MTHFD1: variants seen among roughly 807,000 people sequenced by gnomAD.
MTHFD1 encodes C-1-tetrahydrofolate synthase, cytoplasmic.
MTHFD1 carries 44 observed loss-of-function variants against 110.3 expected under a neutral mutation model. That is an observed-to-expected ratio of 0.40 (90% confidence interval 0.31 to 0.51). The LOEUF (loss-of-function observed/expected upper bound fraction) is 0.51, where lower values mean the gene tolerates loss of function less well. MTHFD1 is among the 20% of genes least tolerant of loss of function. The pLI is 0.60. For synonymous variants in MTHFD1, 402 were observed against 428.8 expected (o/e 0.94, Z 0.77); for missense variants, 909 against 1,173.1 (o/e 0.77, Z 3.29).
chr14:64,450,164 G>A (rs2140983261), intron 24 of MTHFD1, among the ~76,000 whole-genome samples: 1 of 152,320 alleles, frequency 6.6e-6, no homozygotes, highest in African/African-American at 2.4e-5. Flanking sequence ...CAGGGTGGAG[G>A]GGGAACCGTT....
At chr14:64,449,933 C>T (rs1184308460) in intron 24 of MTHFD1, among the ~76,000 whole-genome samples, 3 of 152,200 alleles carry the variant, frequency 2.0e-5, no homozygotes, top group Non-Finnish European at 4.4e-5. Flanking sequence ...GGATTACAGG[C>T]GTCTGCCACC....
intron 5 of MTHFD1, 43 bp from the exon 6 acceptor site, chr14:64,415,596 C>G (rs1185196714): frequency 1.9e-6 from 3 of 1,611,164 alleles, no homozygotes; most frequent in East Asian, 4.5e-5. Context: ...GTAAAGACAT[C>G]TAATTGCCTT....
chr14:64,415,750 C>G lies in MTHFD1; in HGVS notation c.478+11C>G. On this transcript the variant is annotated intron_variant, in intron 6 of 27. Coordinates refer to ENST00000652337, the MANE Select transcript of MTHFD1 (RefSeq NM_005956.4). ...TCATCAAAGAGACAGGTAAAAACAA[C>G]AAACCAAACAACAAGAAAGCACCAT... The G allele has an allele frequency of 6.2e-7, 1 of 1,612,824 alleles. No homozygotes were observed. The highest frequency in any genetic ancestry group is 1.1e-5 in the South Asian group (1 of 90,964).
At chr14:64,443,026 A>C (rs1469278793) in intron 21 of MTHFD1, among the ~76,000 whole-genome samples, 1 of 152,202 alleles carries the variant, frequency 6.6e-6, no homozygotes, top group Non-Finnish European at 1.5e-5. Flanking sequence ...TAGGGCCTAC[A>C]TGAAAAGACA....
At chr14:64,408,130 A>G (rs978886535) in intron 2 of MTHFD1, among the ~76,000 whole-genome samples, 2 of 152,250 alleles carry the variant, frequency 1.3e-5, no homozygotes, top group African/African-American at 4.8e-5. Context: ...GTGACACGGT[A>G]TGTGTCCCAC....
At chr14:64,422,026 G>A (rs1347317739) in intron 8 of MTHFD1, among the ~76,000 whole-genome samples, 2 of 152,062 alleles carry the variant, frequency 1.3e-5, no homozygotes, top group African/African-American at 2.4e-5. Flanking sequence ...AAACCTGAGT[G>A]GGGATCTTGA....
chr14:64,393,903 G>T (rs1227285416), intron 1 of MTHFD1, among the ~76,000 whole-genome samples: 1 of 152,150 alleles, frequency 6.6e-6, no homozygotes, highest in Non-Finnish European at 1.5e-5. Flanking sequence ...GGGCAGGGAT[G>T]CTTGTGTGGC....
chr14:64,412,820 T>C (rs186065152), intron 4 of MTHFD1, among the ~76,000 whole-genome samples: 51 of 151,864 alleles, frequency 3.4e-4, no homozygotes, highest in Non-Finnish European at 6.3e-4. Context: ...ATATTTTTAA[T>C]AGAGACGCGG....
intron 1 of MTHFD1, among the ~76,000 whole-genome samples, chr14:64,396,649 T>C (rs1306309364): frequency 1.3e-5 from 2 of 148,442 alleles, no homozygotes; most frequent in African/African-American, 5.0e-5. Flanking sequence ...TCCACCCACC[T>C]CAGCCTCCCA....
chr14:64,435,565 T>G lies in MTHFD1; in HGVS notation c.1495-4T>G. On this transcript the variant is annotated splice_region_variant and splice_polypyrimidine_tract_variant and intron_variant, in intron 15 of 27. Coordinates refer to ENST00000652337, the MANE Select transcript of MTHFD1 (RefSeq NM_005956.4). ...TTTATGTTTTCATTTTCCTACACTT[T>G]CAGAGACTAGGCATTGAAAAGACTG... The G allele has an allele frequency of 1.3e-6, 2 of 1,567,422 alleles. No individual in the cohort carries two copies. The highest frequency in any genetic ancestry group is 1.4e-5 in the African/African-American group (1 of 74,020).
intron 22 of MTHFD1, 195 bp downstream of exon 22, chr14:64,444,929 TCC>T: frequency 1.6e-6 from 1 of 633,156 alleles, no homozygotes. Context: ...AATAGAATTG[TCC>T]CACATAGGGT....
intron 26 of MTHFD1, among the ~76,000 whole-genome samples, chr14:64,455,598 AT>A (rs1245270966): frequency 6.6e-6 from 1 of 152,222 alleles, no homozygotes; most frequent in Non-Finnish European, 1.5e-5. Context: ...GTATCTACAG[AT>A]TGTACTGCCA....
rs2077781416 is a variant in MTHFD1 at position 64,388,547 on chromosome 14, T to G, written c.41+79T>G. ...GTGTGCAGGTCCCCCGGACCCATTTTTTGCGGGAGGGACACTTGTAGCGGA... is the reference window on the plus strand; with the variant it reads ...GTGTGCAGGTCCCCCGGACCCATTTGTTGCGGGAGGGACACTTGTAGCGGA... On this transcript the variant is annotated intron_variant, in intron 1 of 27. Coordinates refer to ENST00000652337, the MANE Select transcript of MTHFD1 (RefSeq NM_005956.4). The G allele has an allele frequency of 3.0e-6, 4 of 1,345,598 alleles. No individual in the cohort carries two copies. In the East Asian group the frequency reaches 6.9e-5, roughly 23 times the overall value. 83.4% of individuals were successfully genotyped at this position (1,345,598 alleles called of 1,614,324 possible).
intron 21 of MTHFD1, among the ~76,000 whole-genome samples, chr14:64,444,004 TC>T (rs1200485993): frequency 6.6e-6 from 1 of 151,328 alleles, no homozygotes; most frequent in Non-Finnish European, 1.5e-5. Flanking sequence ...AGCTTCTTAA[TC>T]ACTATCCACT....
intron 16 of MTHFD1, among the ~76,000 whole-genome samples, chr14:64,436,219 C>T (rs570361885): frequency 2.6e-5 from 4 of 152,156 alleles, no homozygotes; most frequent in Admixed American, 6.5e-5. Context: ...CTCAGCCTCC[C>T]GAGTAACTGG....
chr14:64,457,519 G>T (rs1224734843), intron 26 of MTHFD1, among the ~76,000 whole-genome samples: 1 of 150,830 alleles, frequency 6.6e-6, no homozygotes, highest in African/African-American at 2.4e-5. Context: ...GCAGTGGCAA[G>T]ATCTCGGCTC....
intron 24 of MTHFD1, among the ~76,000 whole-genome samples, chr14:64,452,363 A>T (rs1370410303): frequency 6.6e-6 from 1 of 152,212 alleles, no homozygotes. Flanking sequence ...TATATTGCCT[A>T]ATTTTTGTAA....
At chr14:64,397,726 C>G (rs1566553537) in intron 1 of MTHFD1, among the ~76,000 whole-genome samples, 1 of 152,222 alleles carries the variant, frequency 6.6e-6, no homozygotes, top group Non-Finnish European at 1.5e-5. Context: ...TTTTTGTTGT[C>G]TAAAGGCAGC....
intron 17 of MTHFD1, 109 bp from the exon 18 acceptor site, chr14:64,440,017 C>T: frequency 1.1e-6 from 1 of 948,240 alleles, no homozygotes; most frequent in Non-Finnish European, 1.6e-6. Flanking sequence ...TTATTCTATC[C>T]TTTTAAGCTA....
Sources: allele counts gnomAD v4.1 joint callset (sites outside exome capture counted in the v4.1 genomes callset), GRCh38; gene constraint gnomAD v4.1.1; transcripts MANE v1.5; gene names NCBI Gene and HGNC (gene_info 2026-07-23, HGNC 2026-07-21).